MKRN1: variants seen among roughly 807,000 people sequenced by gnomAD.
MKRN1 encodes the protein makorin ring finger protein 1, also known as E3 ubiquitin-protein ligase makorin-1.
In MKRN1, 9 loss-of-function variants were observed where a neutral mutation model predicts 55.5. The observed-to-expected ratio is 0.16, with a 90% CI of 0.10 to 0.28. The LOEUF (loss-of-function observed/expected upper bound fraction) is 0.28, where lower values mean the gene tolerates loss of function less well. MKRN1 is among the 10% of genes least tolerant of loss of function. MKRN1 has a pLI of 1.00. For missense variants in MKRN1, 488 were observed against 626.7 expected, an observed-to-expected ratio of 0.78 and a Z score of 2.36; for synonymous variants, 253 against 235.9, an observed-to-expected ratio of 1.07 and a Z score of -0.66.
intron 2 of MKRN1, among the ~76,000 whole-genome samples, chr7:140,462,192 T>C (rs1310426985): frequency 6.6e-6 from 1 of 152,112 alleles, no homozygotes; most frequent in East Asian, 1.9e-4. Flanking sequence ...AATGCTGGTC[T>C]AACTTTTTTT....
At chr7:140,455,945 G>T in intron 5 of MKRN1, 45 bp from the exon 6 acceptor site, 2 of 1,506,740 alleles carry the variant, frequency 1.3e-6, no homozygotes, top group Non-Finnish European at 1.8e-6. Context: ...CCCTTTTACA[G>T]GCCCACTCTT....
rs557483143 is a variant in MKRN1, at chr7:140,472,101, G to A, written c.186-90C>T. ...TATTCATGACTAATATATTCAACCA[G>A]TAAATACACAAACATACGAAATAAA... On this transcript the variant is annotated intron_variant, in intron 1 of 7. Coordinates refer to ENST00000255977, the MANE Select transcript of MKRN1 (RefSeq NM_013446.4). 8 of 1,527,828 alleles carry A rather than the reference G, an allele frequency of 5.2e-6. No individual in the cohort carries two copies. The Middle Eastern group carries it at 6.8e-4, about 130-fold the overall frequency. 94.6% of individuals were successfully genotyped at this position (1,527,828 alleles called of 1,614,324 possible). A position where few individuals can be genotyped will look rare whatever the true frequency, so the allele number is the denominator to read the frequency against.
intron 5 of MKRN1, chr7:140,456,386 G>A: frequency 7.6e-7 from 1 of 1,312,444 alleles, no homozygotes; most frequent in South Asian, 1.6e-5. Flanking sequence ...GCCTAAACTG[G>A]CTAATAATCC....
intron 1 of MKRN1, among the ~76,000 whole-genome samples, chr7:140,477,527 T>G (rs1183039567): frequency 1.3e-5 from 2 of 152,164 alleles, no homozygotes; most frequent in African/African-American, 2.4e-5. Flanking sequence ...TTTCACCATC[T>G]TGGCCAGGCT....
At chr7:140,458,870 C>G in intron 4 of MKRN1, 137 bp downstream of exon 4, 1 of 908,898 alleles carries the variant, frequency 1.1e-6, no homozygotes, top group Non-Finnish European at 1.6e-6. Flanking sequence ...CCAAGAAGCC[C>G]AAGAAAGGAA....
In MKRN1 at chr7:140,479,210, G is replaced by GC; in HGVS notation, c.134dup (p.Gly46ArgfsTer12). ...CGCCGCCGCTGCCGTCGCTGCCGCCGCCCCCTCCGCCCGCCCCCAGGGACG... is the reference window on the plus strand; with the variant it reads ...CGCCGCCGCTGCCGTCGCTGCCGCCGCCCCCCTCCGCCCGCCCCCAGGGACG... On this transcript the variant is annotated frameshift_variant, in exon 1 of 8. Transcript: ENST00000255977. LOFTEE classifies it high-confidence loss of function. The GC allele has an allele frequency of 2.1e-6, 3 of 1,462,024 alleles. No homozygotes were observed. Among genetic ancestry groups the GC allele is most frequent in the Admixed American group, 5.2e-5 (2 of 38,098 alleles). 90.6% of individuals were successfully genotyped at this position (1,462,024 alleles called of 1,614,324 possible).
At chr7:140,466,532 C>T (rs948627978) in intron 2 of MKRN1, among the ~76,000 whole-genome samples, 10 of 152,034 alleles carry the variant, frequency 6.6e-5, no homozygotes, top group Admixed American at 6.6e-4. Flanking sequence ...AGGCCGGGCG[C>T]GGTGGCTCAC....
At chr7:140,463,632 T>C (rs1794682826) in intron 2 of MKRN1, among the ~76,000 whole-genome samples, 1 of 152,114 alleles carries the variant, frequency 6.6e-6, no homozygotes, top group Non-Finnish European at 1.5e-5. Flanking sequence ...ACGCCTGTAA[T>C]CCCAGCACTT....
At chr7:140,469,312 A>T (rs1794855281) in intron 2 of MKRN1, among the ~76,000 whole-genome samples, 2 of 151,536 alleles carry the variant, frequency 1.3e-5, no homozygotes, top group African/African-American at 4.9e-5. Context: ...GGTGACAGCG[A>T]GACTCCATCT....
At chr7:140,475,088 T>A (rs1795081026) in intron 1 of MKRN1, 3 of 291,916 alleles carry the variant, frequency 1.0e-5, no homozygotes, top group Non-Finnish European at 2.0e-5. Flanking sequence ...ATGCCTGTAA[T>A]CCCAGGACTT....
At chr7:140,465,028 C>T (rs951793129) in intron 2 of MKRN1, among the ~76,000 whole-genome samples, 17 of 152,180 alleles carry the variant, frequency 1.1e-4, no homozygotes, top group African/African-American at 9.7e-5. Context: ...CCATCTTCCC[C>T]GCCCAGCCTA....
chr7:140,460,073 AACCCGTCACT>A, intron 2 of MKRN1, 137 bp from the exon 3 acceptor site: 1 of 757,348 alleles, frequency 1.3e-6, no homozygotes, highest in Non-Finnish European at 2.2e-6. Context: ...ATGTGGTGAA[AACCCGTCACT>A]ACCAAAAACG....
At chr7:140,456,314 G>C (rs1794464080) in intron 5 of MKRN1, 5 of 1,207,838 alleles carry the variant, frequency 4.1e-6, no homozygotes, top group South Asian at 2.0e-5. Flanking sequence ...AATGGAATAG[G>C]AAAGTGGAAA....
chr7:140,455,771 A>G lies in MKRN1; in HGVS notation c.1097+19T>C, dbSNP rs754151015. Reference sequence around the variant, plus strand: ...CTCTGTTGGGCTCTTCGCTTGAGAAAAGGCTGCAGTGCTCATACCTCATTG... The same window carrying G: ...CTCTGTTGGGCTCTTCGCTTGAGAAGAGGCTGCAGTGCTCATACCTCATTG... On this transcript the variant is annotated intron_variant, in intron 6 of 7. Transcript: ENST00000255977. 10 of 1,582,008 alleles carry G rather than the reference A, an allele frequency of 6.3e-6. No individual in the cohort carries two copies.
At position 140,479,143 on chromosome 7, in the gene MKRN1, G is replaced by T; in HGVS notation, c.185+17C>A. The T allele has an allele frequency of 7.6e-7, 1 of 1,319,428 alleles. No homozygotes were observed. The allele number at this position is 1,319,428 out of a possible 1,614,324, so 81.7% of individuals were successfully genotyped here. The stretch of plus-strand genomic sequence containing the variant: ...GCCCCCTCCCCGCGCCCGGCGCTCC[G>T]CCGCGCAACGTCCTACCTGCAGGTG... On this transcript the variant is annotated intron_variant, in intron 1 of 7. Transcript: ENST00000255977.
chr7:140,470,918 TCA>T (rs927018560), intron 2 of MKRN1, among the ~76,000 whole-genome samples: 45 of 150,562 alleles, frequency 3.0e-4, no homozygotes, highest in African/African-American at 1.0e-3. Flanking sequence ...AGACTCGGTC[TCA>T]CACACACAAA....
chr7:140,453,658 A>G lies in MKRN1; in HGVS notation c.*859T>C, dbSNP rs951854765. On this transcript the variant is annotated 3_prime_UTR_variant, in exon 8 of 8. Transcript: ENST00000255977. ...TTATATAGACAGAGCTAGCACTGCT[A>G]TATTGACAACTACCAATATACTGCT... is the stretch of plus-strand genomic sequence containing the variant. The G allele has an allele frequency of 6.6e-6, 1 of 152,326 alleles. No individual in the cohort carries two copies. The highest frequency in any genetic ancestry group is 1.5e-5 in the Non-Finnish European group (1 of 68,060). The allele number at this position is 152,326 out of a possible 1,614,324, so 9.4% of individuals were successfully genotyped here.
At chr7:140,461,649 A>G (rs1193918634) in intron 2 of MKRN1, among the ~76,000 whole-genome samples, 1 of 151,620 alleles carries the variant, frequency 6.6e-6, no homozygotes, top group African/African-American at 2.4e-5. Context: ...AATAATAAAA[A>G]AAAAGCAAAG....
chr7:140,459,286 T>C (rs1794551871), intron 3 of MKRN1, 53 bp from the exon 4 acceptor site: 2 of 1,557,448 alleles, frequency 1.3e-6, no homozygotes, highest in South Asian at 2.2e-5. Context: ...GCATGAACTA[T>C]AAGAGAACTG....
Sources: allele counts gnomAD v4.1 joint callset (sites outside exome capture counted in the v4.1 genomes callset), GRCh38; gene constraint gnomAD v4.1.1; transcripts MANE v1.5; gene names NCBI Gene and HGNC (gene_info 2026-07-23, HGNC 2026-07-21).